The following PDCL3 variants were observed in gnomAD, a reference collection of about 807,000 sequenced individuals.
PDCL3 encodes phosducin like 3.
Under a neutral mutation model 26.5 loss-of-function variants are expected in PDCL3, and 22 were observed. The ratio of observed to expected loss-of-function variants is 0.83; its 90% confidence interval spans 0.59 to 1.19. The LOEUF is 1.19. PDCL3 is among the 50% of genes most tolerant of loss of function. The pLI is 0.00. For synonymous variants in PDCL3, 81 were observed against 104.9 expected, an observed-to-expected ratio of 0.77 and a Z score of 1.39; for missense variants, 246 against 294.1, an observed-to-expected ratio of 0.84 and a Z score of 1.20.
chr2:100,575,891 T>C (rs1391835827), intron 5 of PDCL3, among the ~76,000 whole-genome samples: 1 of 152,062 alleles, frequency 6.6e-6, no homozygotes, highest in East Asian at 1.9e-4. Context: ...CATCAGAGGA[T>C]AGGTTTATTC....
In PDCL3 at chr2:100,576,691, G is replaced by C; in HGVS notation, c.*195G>C. 1 of 543,232 alleles carries C rather than the reference G, an allele frequency of 1.8e-6. No homozygotes were observed. Among genetic ancestry groups the C allele is most frequent in the Non-Finnish European group, 2.7e-6 (1 of 364,624 alleles). 33.7% of individuals were successfully genotyped at this position (543,232 alleles called of 1,614,324 possible). ...GAACTCTTTTTTTTTTTAAATTATA[G>C]TATTTCCTCTAAAAAAAATTAAAAC... On this transcript the variant is annotated 3_prime_UTR_variant, in exon 6 of 6. Coordinates refer to ENST00000264254, the MANE Select transcript of PDCL3 (RefSeq NM_024065.5).
At chr2:100,571,884 T>TA (rs1289396945) in intron 5 of PDCL3, 86 bp downstream of exon 5, 14 of 1,338,906 alleles carry the variant, frequency 1.0e-5, no homozygotes, top group Admixed American at 6.9e-5. Flanking sequence ...GGACTCCTGT[T>TA]ACGATGGTGG....
At chr2:100,576,315 A>C in intron 5 of PDCL3, 39 bp from the exon 6 acceptor site, 2 of 1,607,746 alleles carry the variant, frequency 1.2e-6, no homozygotes, top group Non-Finnish European at 1.7e-6. Flanking sequence ...CCTTTGCAGC[A>C]CAGTGCCTTA....
chr2:100,575,222 G>A (rs766702477), intron 5 of PDCL3, among the ~76,000 whole-genome samples: 25 of 152,168 alleles, frequency 1.6e-4, no homozygotes, highest in Admixed American at 1.1e-3. Flanking sequence ...TGCAAGCTCC[G>A]CCTCCCACGT....
rs545265240 is a variant in PDCL3, at chr2:100,568,955, T to A, written c.158T>A (p.Leu53Ter). The A allele has an allele frequency of 6.8e-6, 11 of 1,614,060 alleles. No individual in the cohort carries two copies. The African/African-American group carries it at 1.3e-4, about 20-fold the overall frequency. The part of the protein sequence containing the change: ...SVVKTYEDMT[L>*]EELEDHEDEF... ...GTGAAAACATATGAAGATATGACTT[T>A]GGAAGAGCTGGAGGATCATGAAGAC... Residue 53 changes from leucine (L) to a stop codon, truncating the protein, a stop_gained, in exon 3 of 6, where the codon TTG (leucine) becomes TAG (stop). Coordinates refer to ENST00000264254, the MANE Select transcript of PDCL3 (RefSeq NM_024065.5). LOFTEE classifies it high-confidence loss of function.
At chr2:100,563,583 G>A (rs914547000) in intron 1 of PDCL3, 1 of 152,924 alleles carries the variant, frequency 6.5e-6, no homozygotes, top group African/African-American at 2.4e-5. Flanking sequence ...CTGACCGCTC[G>A]GGTTCCAGAG....
At position 100,571,619 on chromosome 2, in the gene PDCL3, A is replaced by T. The variant is rs994270974; in HGVS notation, c.398A>T (p.His133Leu). The T allele has an allele frequency of 1.2e-6, 2 of 1,613,090 alleles. No individual in the cohort carries two copies. Among genetic ancestry groups the T allele is most frequent in the Non-Finnish European group, 1.7e-6 (2 of 1,179,828 alleles). ...CCCCTCTGTGCCCTGATAAATCAGC[A>T]CCTCAGTGGACTTGCCAGGAAGTTT... Reference protein sequence around the residue: ...GIPLCALINQHLSGLARKFPD... With the variant: ...GIPLCALINQLLSGLARKFPD... The change falls in exon 5 of 6, where the codon CAC (histidine) becomes CTC (leucine). Residue 133 changes from histidine to leucine, a missense_variant. By Grantham distance (99) the His-to-Leu change is moderately conservative. Transcript: ENST00000264254.
Position 100,566,562 on chromosome 2 carries a change from C to T in PDCL3, c.66C>T (p.Pro22=), listed in dbSNP as rs146578292. Residue 22 remains proline, a synonymous_variant, in exon 2 of 6, where the codon CCC becomes CCT. Transcript: ENST00000264254. ...DILRKKGILP[P]KESLKELEEE... is the part of the protein sequence containing the mutation. ...TACGCAAAAAGGGTATCTTACCCCC[C>T]AAGGAAAGTCTGAAAGAATTGGAAG... The T allele has an allele frequency of 1.9e-4, 301 of 1,613,880 alleles. 1 individual carries two copies. The African/African-American group carries it at 3.3e-3, about 18-fold the overall frequency.
Position 100,576,369 on chromosome 2 carries a change from T to C in PDCL3, c.593T>C (p.Leu198Pro). Residue 198 changes from leucine (L) to proline (P), a missense_variant, in exon 6 of 6, where the codon CTG becomes CCG. Leu to Pro is a moderately conservative substitution (Grantham distance 98, BLOSUM62 -3). Transcript: ENST00000264254. ...TACCATATAGAGTTGGAATGGAAAC[T>C]GTCTGAATCTGGAGCAATTATGACA... ...NLTRDELEWK[L>P]SESGAIMTDL... 2 of 1,613,920 alleles carry C rather than the reference T, an allele frequency of 1.2e-6. No individual in the cohort carries two copies. Among genetic ancestry groups the C allele is most frequent in the South Asian group, 2.2e-5 (2 of 91,056 alleles).
At chr2:100,569,106 G>A in intron 3 of PDCL3, 85 bp downstream of exon 3, 1 of 1,202,476 alleles carries the variant, frequency 8.3e-7, no homozygotes, top group East Asian at 2.4e-5. Context: ...AATAAAATGT[G>A]TGGGCTGAGC....
chr2:100,575,553 TTC>T (rs1371497471), intron 5 of PDCL3, among the ~76,000 whole-genome samples: 6 of 152,238 alleles, frequency 3.9e-5, no homozygotes, highest in Non-Finnish European at 5.9e-5. Flanking sequence ...GCCTGGGCTC[TTC>T]TCTGAAGTAG....
Position 100,571,584 on chromosome 2 carries a change from T to A in PDCL3, c.369-6T>A. On this transcript the variant is annotated splice_region_variant and splice_polypyrimidine_tract_variant and intron_variant, in intron 4 of 5. Transcript: ENST00000264254. ...ATTGCTTCTGTTTTCTATGTGTGTT[T>A]TATAGAATTCCCCTCTGTGCCCTGA... 1 of 1,611,940 alleles carries A rather than the reference T, an allele frequency of 6.2e-7. No individual in the cohort carries two copies. The highest frequency in any genetic ancestry group is 8.5e-7 in the Non-Finnish European group (1 of 1,179,494).
chr2:100,575,199 G>T (rs1210213687), intron 5 of PDCL3, among the ~76,000 whole-genome samples: 2 of 152,166 alleles, frequency 1.3e-5, no homozygotes, highest in South Asian at 4.1e-4. Context: ...GCAATGGCGC[G>T]ATCTCGGCTC....
chr2:100,575,520 C>G (rs1675270157), intron 5 of PDCL3, among the ~76,000 whole-genome samples: 1 of 152,172 alleles, frequency 6.6e-6, no homozygotes, highest in African/African-American at 2.4e-5. Context: ...GTTGTAGAAT[C>G]TCTTACGTAG....
chr2:100,575,562 G>A (rs1215172252), intron 5 of PDCL3, among the ~76,000 whole-genome samples: 2 of 152,200 alleles, frequency 1.3e-5, no homozygotes, highest in Admixed American at 6.6e-5. Context: ...CTTCTCTGAA[G>A]TAGGCAAATA....
At chr2:100,571,891 G>C in intron 5 of PDCL3, 93 bp downstream of exon 5, 1 of 1,118,992 alleles carries the variant, frequency 8.9e-7, no homozygotes, top group Non-Finnish European at 1.3e-6. Context: ...TGTTACGATG[G>C]TGGGTCAAGT....
At chr2:100,570,057 C>T (rs1422807576) in intron 4 of PDCL3, among the ~76,000 whole-genome samples, 1 of 152,146 alleles carries the variant, frequency 6.6e-6, no homozygotes, top group East Asian at 1.9e-4. Flanking sequence ...TTGCAGTGAG[C>T]CGAGATTGCG....
At chr2:100,566,465 A>C in intron 1 of PDCL3, 38 bp from the exon 2 acceptor site, 1 of 1,609,582 alleles carries the variant, frequency 6.2e-7, no homozygotes, top group South Asian at 1.1e-5. Flanking sequence ...TACATACTAG[A>C]CTTAGCACTC....
intron 4 of PDCL3, 134 bp from the exon 5 acceptor site, chr2:100,571,456 A>T: frequency 1.3e-6 from 1 of 791,290 alleles, no homozygotes; most frequent in Non-Finnish European, 2.0e-6. Context: ...AAAACATGTT[A>T]ATTCATCTTA....
Sources: allele counts gnomAD v4.1 joint callset (sites outside exome capture counted in the v4.1 genomes callset), GRCh38; gene constraint gnomAD v4.1.1; transcripts MANE v1.5; gene names NCBI Gene and HGNC (gene_info 2026-07-23, HGNC 2026-07-21).